The following PRKAG2 variants were observed in gnomAD, a reference collection of about 807,000 sequenced individuals.
The protein encoded by PRKAG2 is protein kinase AMP-activated non-catalytic subunit gamma 2.
PRKAG2 carries 26 observed loss-of-function variants against 69.6 expected under a neutral mutation model. The ratio of observed to expected loss-of-function variants is 0.37; its 90% CI spans 0.27 to 0.52. The LOEUF (loss-of-function observed/expected upper bound fraction) is 0.52, where lower values mean the gene tolerates loss of function less well. Among genes scored for constraint, PRKAG2 ranks in the 20% least tolerant of loss-of-function variants. PRKAG2 has a pLI of 0.90. For missense variants in PRKAG2, 557 were observed against 740.0 expected (o/e 0.75, Z 2.87); for synonymous variants, 293 against 285.0 (o/e 1.03, Z -0.28).
intron 3 of PRKAG2, among the ~76,000 whole-genome samples, chr7:151,772,968 C>T (rs545093078): frequency 2.1e-5 from 3 of 145,750 alleles, no homozygotes; most frequent in Non-Finnish European, 3.0e-5. Flanking sequence ...TGACAGAGAC[C>T]CTGTCTCTAA....
In PRKAG2 at chr7:151,719,101, C is replaced by T. The variant is rs1449049051; in HGVS notation, c.467-43464G>A. On this transcript the variant is annotated intron_variant, in intron 3 of 15. Coordinates refer to ENST00000287878, the MANE Select transcript of PRKAG2 (RefSeq NM_016203.4). This position sits in a 1 kb window ranked among gnomAD's most constrained non-coding sequence, Gnocchi z 5.2. Reference sequence around the variant, plus strand: ...GGGAAATGGAGGGGACTGAAGGAGACGTGTGCCACCCTGTTCCCCGAGCGT... The same window carrying T: ...GGGAAATGGAGGGGACTGAAGGAGATGTGTGCCACCCTGTTCCCCGAGCGT... Among the ~76,000 whole-genome samples the T allele has an allele frequency of 6.6e-6, 1 of 152,160 alleles. No individual in the cohort carries two copies. Among genetic ancestry groups the T allele is most frequent in the South Asian group, 2.1e-4 (1 of 4,794 alleles).
intron 1 of PRKAG2, among the ~76,000 whole-genome samples, chr7:151,801,593 T>C (rs4128399): frequency 0.11 from 17,473 of 152,250 alleles, 1,363 homozygotes; most frequent in Non-Finnish European, 0.16. Flanking sequence ...AGTTTCTTGG[T>C]TGGGGACTCA....
At chr7:151,791,453 C>T (rs1479466695) in intron 1 of PRKAG2, among the ~76,000 whole-genome samples, 1 of 152,222 alleles carries the variant, frequency 6.6e-6, no homozygotes, top group African/African-American at 2.4e-5. Flanking sequence ...CTCTTCCCGT[C>T]TGCCGGCCAC....
At chr7:151,785,143 C>T (rs1328500564) in intron 2 of PRKAG2, among the ~76,000 whole-genome samples, 1 of 152,258 alleles carries the variant, frequency 6.6e-6, no homozygotes, top group Non-Finnish European at 1.5e-5. Context: ...TAATGGAGAG[C>T]AGGCATTCAG....
intron 3 of PRKAG2, among the ~76,000 whole-genome samples, chr7:151,720,544 C>T (rs1250915295): frequency 6.0e-5 from 9 of 150,950 alleles, no homozygotes; most frequent in Admixed American, 3.3e-4. Flanking sequence ...CACTGACAGC[C>T]TCTGTTTTGA....
chr7:151,681,216 G>A (rs1833841077), intron 3 of PRKAG2, among the ~76,000 whole-genome samples: 1 of 152,180 alleles, frequency 6.6e-6, no homozygotes, highest in Non-Finnish European at 1.5e-5. Context: ...GGGCCGAGGA[G>A]ATGAGAAGGT....
intron 14 of PRKAG2, among the ~76,000 whole-genome samples, chr7:151,562,244 C>CAAAAAAAA (rs575674668): frequency 7.8e-5 from 3 of 38,476 alleles, no homozygotes; most frequent in Non-Finnish European, 1.9e-4. Context: ...GACTTTGTCT[C>CAAAAAAAA]AAAAAAAAAA....
intron 3 of PRKAG2, among the ~76,000 whole-genome samples, chr7:151,766,724 C>T (rs182558924): frequency 2.1e-4 from 32 of 152,330 alleles, no homozygotes; most frequent in Non-Finnish European, 4.3e-4. Flanking sequence ...CTCATTTATC[C>T]GTCAAGGCCC....
chr7:151,589,663 C>T (rs754546700), intron 6 of PRKAG2, among the ~76,000 whole-genome samples: 6 of 152,228 alleles, frequency 3.9e-5, no homozygotes, highest in Non-Finnish European at 8.8e-5. Context: ...CGGCCGGGCA[C>T]GGTGGCTCAC....
At chr7:151,847,114 T>C (rs956183950) in intron 1 of PRKAG2, among the ~76,000 whole-genome samples, 1 of 152,210 alleles carries the variant, frequency 6.6e-6, no homozygotes, top group South Asian at 2.1e-4. Context: ...GGGAAATGGT[T>C]CTGGAATCTC....
chr7:151,839,848 C>G (rs1248434202), intron 1 of PRKAG2, among the ~76,000 whole-genome samples: 1 of 152,184 alleles, frequency 6.6e-6, no homozygotes, highest in Non-Finnish European at 1.5e-5. Context: ...CCCAGGGACA[C>G]CGTGTGGCCC....
intron 1 of PRKAG2, among the ~76,000 whole-genome samples, chr7:151,798,468 C>T (rs542384593): frequency 6.6e-6 from 1 of 152,292 alleles, no homozygotes; most frequent in South Asian, 2.1e-4. Flanking sequence ...GTGTGAGCCA[C>T]CACGCCCGGC....
chr7:151,729,295 C>G (rs528731098), intron 3 of PRKAG2, among the ~76,000 whole-genome samples: 448 of 152,246 alleles, frequency 2.9e-3, no homozygotes, highest in Non-Finnish European at 5.4e-3. Context: ...CCCCAAAGAC[C>G]CATCCTCACA....
chr7:151,730,705 C>A (rs1798791662), intron 3 of PRKAG2, among the ~76,000 whole-genome samples: 1 of 152,138 alleles, frequency 6.6e-6, no homozygotes, highest in Admixed American at 6.5e-5. Context: ...ACAGGCTTGA[C>A]TTCTCAGCCC....
rs563968573 is a variant in PRKAG2 at position 151,643,034 on chromosome 7, T to C, written c.685-10896A>G. On this transcript the variant is annotated intron_variant, in intron 4 of 15. Transcript: ENST00000287878. ...GCTCAAGGAACATGGAGAATCAGCATGATTGCCTTGCTACCCTTCAAATTC... is the reference window on the plus strand; with the variant it reads ...GCTCAAGGAACATGGAGAATCAGCACGATTGCCTTGCTACCCTTCAAATTC... 4.8e-4 allele frequency among the ~76,000 whole-genome samples: 73 copies of C among 152,368 alleles called. 2 individuals are homozygous for C. Among genetic ancestry groups the C allele is most frequent in the Admixed American group, 4.6e-3 (71 of 15,308 alleles).
intron 4 of PRKAG2, among the ~76,000 whole-genome samples, chr7:151,634,246 C>T (rs902515493): frequency 9.9e-5 from 15 of 152,098 alleles, no homozygotes; most frequent in African/African-American, 3.6e-4. Flanking sequence ...GGTGTAAAAG[C>T]AATAGAACTG....
chr7:151,570,162 C>G lies in PRKAG2; in HGVS notation c.1106+9G>C, dbSNP rs200429988. 1.2e-3 allele frequency: 1,936 copies of G among 1,588,004 alleles called. 2 individuals carry two copies. The highest frequency in any genetic ancestry group is 1.6e-3 in the Non-Finnish European group (1,854 of 1,164,970). ...TGAATGTTTTCAAAGAAAAAAAAAA[C>G]AAGTTTACCTTGCATCTGGAGATAT... On this transcript the variant is annotated intron_variant, in intron 10 of 15. Transcript: ENST00000287878.
At position 151,595,400 on chromosome 7, in the gene PRKAG2, C is replaced by T. The variant is rs1285593393; in HGVS notation, c.809G>A (p.Cys270Tyr). 1 of 1,613,974 alleles carries T rather than the reference C, an allele frequency of 6.2e-7. No homozygotes were observed. Among genetic ancestry groups the T allele is most frequent in the Non-Finnish European group, 8.5e-7 (1 of 1,180,020 alleles). The change falls in exon 6 of 16, where the codon TGT becomes TAT. Residue 270 changes from cysteine (C) to tyrosine (Y), a missense_variant. Cys to Tyr is a radical substitution (Grantham distance 194). This residue lies in a region of PRKAG2 where 205 missense variants were observed against 383.4 expected (regional missense o/e 0.53). Transcript: ENST00000287878. ...TGAACTGGTTGGAACGATGTCATAA[C>T]ACTTGTGTGACCTCATGAATCGCAT... Reference protein sequence around the residue: ...VYMRFMRSHKCYDIVPTSSKL... With the variant: ...VYMRFMRSHKYYDIVPTSSKL...
At chr7:151,808,581 G>C (rs1366012366) in intron 1 of PRKAG2, among the ~76,000 whole-genome samples, 2 of 140,700 alleles carry the variant, frequency 1.4e-5, no homozygotes, top group African/African-American at 5.1e-5. Flanking sequence ...AGAGAGTCTA[G>C]TGCAGGTTGT....
Sources: allele counts gnomAD v4.1 joint callset (sites outside exome capture counted in the v4.1 genomes callset), GRCh38; gene constraint gnomAD v4.1.1; regional missense constraint gnomAD v4.1.1; non-coding constraint Gnocchi (gnomAD v3.1); transcripts MANE v1.5; gene names NCBI Gene and HGNC (gene_info 2026-07-23, HGNC 2026-07-21).